The following THEM4 variants were observed in gnomAD, a reference collection of about 807,000 sequenced individuals.
THEM4 encodes thioesterase superfamily member 4, also known as acyl-coenzyme A thioesterase THEM4.
A neutral mutation model predicts 25.0 loss-of-function variants in THEM4; 22 were observed. The ratio of observed to expected loss-of-function variants is 0.88; its 90% CI spans 0.63 to 1.26. The LOEUF (loss-of-function observed/expected upper bound fraction) is 1.26, where lower values mean the gene tolerates loss of function less well. Among genes scored for constraint, THEM4 ranks in the 50% most tolerant of loss-of-function variants. THEM4 has a pLI of 0.00. For synonymous variants in THEM4, 113 were observed against 105.6 expected (o/e 1.07, Z -0.43); for missense variants, 286 against 300.3 (o/e 0.95, Z 0.35).
chr1:151,892,059 G>C (rs1396191667), intron 2 of THEM4, among the ~76,000 whole-genome samples: 1 of 152,132 alleles, frequency 6.6e-6, no homozygotes, highest in Admixed American at 6.5e-5. Flanking sequence ...AAAGTGTTGA[G>C]CCACTGTGCC....
At chr1:151,908,387 T>C (rs1290926068) in intron 1 of THEM4, among the ~76,000 whole-genome samples, 1 of 152,198 alleles carries the variant, frequency 6.6e-6, no homozygotes, top group African/African-American at 2.4e-5. Context: ...CATAGCTTCG[T>C]TTAGCCCGGC....
chr1:151,876,251 G>T (rs1051496133), intron 5 of THEM4, among the ~76,000 whole-genome samples: 13 of 152,148 alleles, frequency 8.5e-5, no homozygotes, highest in Non-Finnish European at 1.8e-4. Context: ...TAGGTGAGCT[G>T]TAGTTCTTTA....
intron 4 of THEM4, among the ~76,000 whole-genome samples, chr1:151,886,677 T>G (rs6690443): frequency 6.6e-6 from 1 of 152,124 alleles, no homozygotes; most frequent in Admixed American, 6.5e-5. Context: ...CTATTAAAAT[T>G]GTTAAAAGGA....
chr1:151,907,959 G>A (rs1280892470), intron 1 of THEM4, among the ~76,000 whole-genome samples: 1 of 152,174 alleles, frequency 6.6e-6, no homozygotes, highest in African/African-American at 2.4e-5. Context: ...CAGGCTCCAA[G>A]GCGCCGGCAT....
intron 2 of THEM4, chr1:151,891,213 G>A (rs1191446001): frequency 6.6e-6 from 1 of 152,154 alleles, no homozygotes; most frequent in African/African-American, 2.4e-5. Context: ...TTTTAAGTCT[G>A]AAAGGCAAGA....
At position 151,908,967 on chromosome 1, in the gene THEM4, T is replaced by C. The variant is rs556875568; in HGVS notation, c.99+393A>G. ...GGAAGATAAGCGTTTGGATCAAATA[T>C]TTTTTTAAAGGGAAGATAAAAGCTG... On this transcript the variant is annotated intron_variant, in intron 1 of 5. Coordinates refer to ENST00000368814, the MANE Select transcript of THEM4 (RefSeq NM_053055.5). Among the ~76,000 whole-genome samples, 3 of 152,324 alleles carry C rather than the reference T, an allele frequency of 2.0e-5. No individual in the cohort carries two copies. The South Asian group carries it at 6.2e-4, about 32-fold the overall frequency.
intron 4 of THEM4, among the ~76,000 whole-genome samples, chr1:151,877,679 C>G (rs913433765): frequency 6.6e-6 from 1 of 152,296 alleles, no homozygotes; most frequent in South Asian, 2.1e-4. Context: ...GCTGTCCAAC[C>G]TGGTAGCCAC....
chr1:151,881,302 G>A (rs542056882), intron 4 of THEM4, among the ~76,000 whole-genome samples: 12 of 152,138 alleles, frequency 7.9e-5, no homozygotes, highest in Non-Finnish European at 1.8e-4. Flanking sequence ...CAAGTAGCTA[G>A]GACCACAGGC....
intron 1 of THEM4, among the ~76,000 whole-genome samples, chr1:151,906,009 C>A (rs745410626): frequency 2.0e-5 from 3 of 152,252 alleles, no homozygotes; most frequent in Non-Finnish European, 4.4e-5. Context: ...CTCGGCGCCT[C>A]CTCTGCCTGG....
intron 2 of THEM4, among the ~76,000 whole-genome samples, chr1:151,894,213 T>G (rs564807057): frequency 6.6e-6 from 1 of 152,262 alleles, no homozygotes; most frequent in South Asian, 2.1e-4. Flanking sequence ...CACCTAAAGA[T>G]GTGTTTGGAT....
chr1:151,892,262 G>A (rs1195223665), intron 2 of THEM4, among the ~76,000 whole-genome samples: 1 of 152,184 alleles, frequency 6.6e-6, no homozygotes, highest in African/African-American at 2.4e-5. Context: ...GGAGCAAGTA[G>A]AAGGAGGAGG....
At chr1:151,906,824 A>G (rs1438719209) in intron 1 of THEM4, among the ~76,000 whole-genome samples, 3 of 152,120 alleles carry the variant, frequency 2.0e-5, no homozygotes, top group Non-Finnish European at 4.4e-5. Context: ...TCTGGTGTGG[A>G]CGTGGAGAAC....
Position 151,874,633 on chromosome 1 carries a change from C to T in THEM4, c.*255G>A. On this transcript the variant is annotated 3_prime_UTR_variant, in exon 6 of 6. Coordinates refer to ENST00000368814, the MANE Select transcript of THEM4 (RefSeq NM_053055.5). The stretch of plus-strand genomic sequence containing the variant: ...CAGGCAATCCGCCTGCCTCGGCCTC[C>T]TAAAGTGCTGGGATTATAGGTGTGA... The T allele has an allele frequency of 1.9e-6, 1 of 527,978 alleles. No homozygotes were observed. Among genetic ancestry groups the T allele is most frequent in the Non-Finnish European group, 3.4e-6 (1 of 297,110 alleles). The allele number at this position is 527,978 out of a possible 1,614,324, so 32.7% of individuals were successfully genotyped here. A position where few individuals can be genotyped will look rare whatever the true frequency, so the allele number is the denominator to read the frequency against.
intron 1 of THEM4, among the ~76,000 whole-genome samples, chr1:151,898,084 T>C (rs1162213888): frequency 6.6e-6 from 1 of 152,132 alleles, no homozygotes; most frequent in African/African-American, 2.4e-5. Context: ...GGGGAGAAGC[T>C]TCCTGGCCAG....
Position 151,871,387 on chromosome 1 carries a change from G to GTTCCATTAGGTCACACACCT in THEM4, c.*3500_*3501insAGGTGTGTGACCTAATGGAA, listed in dbSNP as rs1653552239. Among the ~76,000 whole-genome samples the GTTCCATTAGGTCACACACCT allele has an allele frequency of 4.6e-5, 7 of 151,790 alleles. No individual in the cohort carries two copies. The highest frequency in any genetic ancestry group is 1.0e-4 in the Non-Finnish European group (7 of 67,934). On this transcript the variant is annotated 3_prime_UTR_variant, in exon 6 of 6. Coordinates refer to ENST00000368814, the MANE Select transcript of THEM4 (RefSeq NM_053055.5). ...GAAAAAGAAGGAAACAGGAAATGAG[G>GTTCCATTAGGTCACACACCT]AATAGTTCCATTAGGTCACACAGCA...
chr1:151,880,283 C>T (rs1653781841), intron 4 of THEM4, among the ~76,000 whole-genome samples: 1 of 151,860 alleles, frequency 6.6e-6, no homozygotes, highest in African/African-American at 2.4e-5. Flanking sequence ...CGAGAGCAGC[C>T]TGGTCAGCAT....
intron 2 of THEM4, among the ~76,000 whole-genome samples, chr1:151,892,959 T>C (rs1237559389): frequency 6.6e-6 from 1 of 152,058 alleles, no homozygotes; most frequent in African/African-American, 2.4e-5. Flanking sequence ...GAATGTGGTG[T>C]CCTAGAAGTT....
intron 4 of THEM4, among the ~76,000 whole-genome samples, chr1:151,878,412 A>G (rs896527183): frequency 2.0e-5 from 3 of 152,250 alleles, no homozygotes; most frequent in African/African-American, 7.2e-5. Flanking sequence ...CTTACAAGAC[A>G]TAAGCCTGGC....
intron 1 of THEM4, among the ~76,000 whole-genome samples, chr1:151,906,497 A>G (rs928707607): frequency 9.2e-5 from 14 of 152,178 alleles, no homozygotes; most frequent in Non-Finnish European, 1.9e-4. Flanking sequence ...AGTCCCATCG[A>G]GCACCCAAGG....
Sources: allele counts gnomAD v4.1 joint callset (sites outside exome capture counted in the v4.1 genomes callset), GRCh38; gene constraint gnomAD v4.1.1; transcripts MANE v1.5; gene names NCBI Gene and HGNC (gene_info 2026-07-23, HGNC 2026-07-21).